The following CDH13 variants were observed in gnomAD, a reference collection of about 807,000 sequenced individuals.
The protein encoded by CDH13 is cadherin 13, also known as cadherin-13.
CDH13 carries 24 observed loss-of-function variants against 63.8 expected under a neutral mutation model. That is an observed-to-expected ratio of 0.38 (90% CI 0.27 to 0.53). The LOEUF (loss-of-function observed/expected upper bound fraction) is 0.53. CDH13 is among the 20% of genes least tolerant of loss of function. The pLI, the probability that CDH13 is intolerant of heterozygous loss-of-function variation, is 0.85. For synonymous variants in CDH13, 503 were observed against 355.3 expected, an observed-to-expected ratio of 1.42 and a Z score of -4.67; for missense variants, 1,049 against 903.1, an observed-to-expected ratio of 1.16 and a Z score of -2.07.
intron 2 of CDH13, among the ~76,000 whole-genome samples, chr16:82,951,814 A>G (rs952682468): frequency 2.6e-5 from 4 of 152,196 alleles, no homozygotes; most frequent in African/African-American, 9.6e-5. Flanking sequence ...CAGCTGTTGT[A>G]CACCCATGGG....
intron 8 of CDH13, among the ~76,000 whole-genome samples, chr16:83,648,825 C>T (rs982896841): frequency 2.0e-5 from 3 of 152,010 alleles, no homozygotes; most frequent in African/African-American, 7.2e-5. Flanking sequence ...TTTTCTCTTT[C>T]CCTCGCTGTT....
intron 5 of CDH13, among the ~76,000 whole-genome samples, chr16:83,298,197 C>T (rs541357189): frequency 3.9e-5 from 6 of 151,970 alleles, no homozygotes; most frequent in South Asian, 2.1e-4. Flanking sequence ...GAGCAATGAT[C>T]GCCCCACTGC....
At chr16:83,093,857 G>T (rs555064253) in intron 3 of CDH13, among the ~76,000 whole-genome samples, 15 of 152,272 alleles carry the variant, frequency 9.9e-5, no homozygotes, top group Admixed American at 5.2e-4. Context: ...TAAATTCCCA[G>T]AAAGCACTTG....
chr16:83,552,968 A>G (rs2075534526), intron 7 of CDH13, among the ~76,000 whole-genome samples: 1 of 151,746 alleles, frequency 6.6e-6, no homozygotes, highest in African/African-American at 2.4e-5. Flanking sequence ...AATTCCAGTT[A>G]TTCGGGAGGC....
At chr16:82,629,506 C>G (rs533879760) in intron 1 of CDH13, among the ~76,000 whole-genome samples, 10 of 152,254 alleles carry the variant, frequency 6.6e-5, no homozygotes, top group African/African-American at 2.2e-4. Flanking sequence ...CTTGAGTCGA[C>G]GAGCAAAAAC....
At chr16:83,109,324 G>A (rs76885680) in intron 3 of CDH13, among the ~76,000 whole-genome samples, 16 of 152,220 alleles carry the variant, frequency 1.1e-4, no homozygotes, top group East Asian at 5.8e-4. Flanking sequence ...CCTTTCATAC[G>A]ATGTGAGTGT....
intron 1 of CDH13, among the ~76,000 whole-genome samples, chr16:82,684,524 A>G (rs925988089): frequency 1.3e-5 from 2 of 152,126 alleles, no homozygotes; most frequent in Non-Finnish European, 2.9e-5. Flanking sequence ...TATGTCATGC[A>G]TACCACAGAC....
chr16:83,593,469 G>A (rs1906954495), intron 7 of CDH13, among the ~76,000 whole-genome samples: 1 of 152,014 alleles, frequency 6.6e-6, no homozygotes, highest in Non-Finnish European at 1.5e-5. Flanking sequence ...GCTATGGTAG[G>A]AGTAGTTAAA....
chr16:83,773,775 C>G (rs1457746529), intron 11 of CDH13, among the ~76,000 whole-genome samples: 1 of 152,146 alleles, frequency 6.6e-6, no homozygotes. Flanking sequence ...TGCCTCAAAC[C>G]CAGGGTGAGC....
At chr16:82,814,442 C>G (rs1401063717) in intron 1 of CDH13, among the ~76,000 whole-genome samples, 1 of 152,078 alleles carries the variant, frequency 6.6e-6, no homozygotes, top group Non-Finnish European at 1.5e-5. Flanking sequence ...GAGTTGATCA[C>G]CAACGGTCAG....
intron 1 of CDH13, among the ~76,000 whole-genome samples, chr16:82,675,855 T>G (rs1427869496): frequency 1.3e-5 from 2 of 152,138 alleles, no homozygotes; most frequent in African/African-American, 2.4e-5. Flanking sequence ...CCAAAAGAAA[T>G]GGGTATTGCT....
At chr16:83,471,705 C>A (rs1274852646) in intron 6 of CDH13, among the ~76,000 whole-genome samples, 1 of 152,178 alleles carries the variant, frequency 6.6e-6, no homozygotes, top group African/African-American at 2.4e-5. Context: ...AGGATTTGAT[C>A]TTGGAACCTG....
chr16:83,672,249 C>G (rs948400996), intron 9 of CDH13, among the ~76,000 whole-genome samples: 3 of 151,946 alleles, frequency 2.0e-5, no homozygotes, highest in Non-Finnish European at 4.4e-5. Flanking sequence ...GGCTTATAAA[C>G]CACAGACATC....
At chr16:83,431,837 CTG>C (rs767228439) in intron 6 of CDH13, among the ~76,000 whole-genome samples, 12 of 152,204 alleles carry the variant, frequency 7.9e-5, no homozygotes, top group Non-Finnish European at 1.2e-4. Flanking sequence ...ACCTCCAACA[CTG>C]GGGATTACTA....
At chr16:83,199,687 T>C (rs754286909) in intron 4 of CDH13, among the ~76,000 whole-genome samples, 6 of 152,294 alleles carry the variant, frequency 3.9e-5, no homozygotes, top group Non-Finnish European at 7.3e-5. Flanking sequence ...CAATGCATAC[T>C]CATGAGTGTC....
intron 1 of CDH13, chr16:82,826,082 C>G (rs896397818): frequency 2.0e-5 from 3 of 152,094 alleles, no homozygotes; most frequent in African/African-American, 7.2e-5. Flanking sequence ...GTCTTGATCT[C>G]CTGACCTCAT....
chr16:83,559,951 T>C (rs1011059948), intron 7 of CDH13, among the ~76,000 whole-genome samples: 1 of 152,188 alleles, frequency 6.6e-6, no homozygotes, highest in Non-Finnish European at 1.5e-5. Flanking sequence ...AATATACATG[T>C]TGGTTATTCA....
At chr16:82,690,724 C>G (rs147339000) in intron 1 of CDH13, among the ~76,000 whole-genome samples, 1 of 152,214 alleles carries the variant, frequency 6.6e-6, no homozygotes, top group African/African-American at 2.4e-5. Flanking sequence ...ATAAAAGAAA[C>G]ATGGTAGATA....
chr16:83,794,954 G>T (rs1439858219), intron 13 of CDH13, 69 bp from the exon 14 acceptor site: 7 of 1,435,446 alleles, frequency 4.9e-6, no homozygotes, highest in East Asian at 2.4e-5. Flanking sequence ...CATTTTTCTG[G>T]CTTTTAGCTA....
Sources: gnomAD v4.1 joint callset for allele counts (sites outside exome capture counted in the v4.1 genomes callset) on GRCh38, gnomAD v4.1.1 for gene constraint, MANE v1.5 for transcripts, NCBI Gene and HGNC (gene_info 2026-07-23, HGNC 2026-07-21) for gene names.